The following STS variants were observed in gnomAD, a reference collection of about 807,000 sequenced individuals.
STS encodes the protein steryl-sulfatase.
Under a neutral mutation model 26.8 loss-of-function variants are expected in STS, and 7 were observed. That is an observed-to-expected ratio of 0.26 (90% CI 0.15 to 0.49). The LOEUF (loss-of-function observed/expected upper bound fraction) is 0.49, where lower values mean the gene tolerates loss of function less well. Ranked by LOEUF, STS falls within the 20% of genes least tolerant of loss-of-function variation. STS has a pLI of 0.98. For synonymous variants in STS, 199 were observed against 189.4 expected (o/e 1.05, Z -0.42); for missense variants, 434 against 465.6 (o/e 0.93, Z 0.63).
At chrX:7,286,631 G>A (rs759236190) in intron 7 of STS, among the ~76,000 whole-genome samples, 14 of 111,450 alleles carry the variant, frequency 1.3e-4, no homozygotes, top group Admixed American at 2.9e-4. Context: ...CATCTAGGAG[G>A]TGATGACAAC....
intron 2 of STS, among the ~76,000 whole-genome samples, chrX:7,238,039 T>C (rs1306306917): frequency 9.1e-6 from 1 of 110,236 alleles, no homozygotes; most frequent in African/African-American, 3.3e-5. Flanking sequence ...TGCAGCAACA[T>C]GGATGAAGTG....
At chrX:7,310,041 A>G (rs1179633447) in intron 8 of STS, among the ~76,000 whole-genome samples, 7 of 111,955 alleles carry the variant, frequency 6.3e-5, no homozygotes, top group African/African-American at 1.9e-4. Flanking sequence ...GATTGTGTCA[A>G]CCTAATAAAA....
Position 7,329,749 on chromosome X carries a change from G to A in STS, c.1242-4237G>A, listed in dbSNP as rs146753870. ...TGTTCAGCAGACCTCCATTCTTCAC[G>A]CACTGTCCTGTAATTCTCAGGAAGC... On this transcript the variant is annotated intron_variant, in intron 9 of 10. Coordinates refer to ENST00000674429, the MANE Select transcript of STS (RefSeq NM_001320752.2). Among the ~76,000 whole-genome samples the A allele has an allele frequency of 2.6e-3, 293 of 111,653 alleles. 4 individuals carry two copies. Among genetic ancestry groups the A allele is most frequent in the African/African-American group, 8.9e-3 (274 of 30,713 alleles).
At chrX:7,345,142 G>A (rs1411605824) in intron 10 of STS, among the ~76,000 whole-genome samples, 3 of 110,997 alleles carry the variant, frequency 2.7e-5, no homozygotes, top group African/African-American at 6.6e-5. Flanking sequence ...CCCTGTTCCC[G>A]GACCAAACCG....
At chrX:7,327,257 C>T (rs1362057411) in intron 9 of STS, among the ~76,000 whole-genome samples, 2 of 110,962 alleles carry the variant, frequency 1.8e-5, no homozygotes, top group African/African-American at 3.3e-5. Context: ...ACATTGGCCT[C>T]GCAGACCTCC....
chrX:7,192,754 G>C (rs1379152188), intron 2 of STS, among the ~76,000 whole-genome samples: 1 of 111,694 alleles, frequency 9.0e-6, no homozygotes, highest in African/African-American at 3.3e-5. Flanking sequence ...ACGGATGGTA[G>C]TAGTTATGTG....
intron 2 of STS, among the ~76,000 whole-genome samples, chrX:7,213,624 A>G (rs1921121923): frequency 9.0e-6 from 1 of 111,681 alleles, no homozygotes; most frequent in Non-Finnish European, 1.9e-5. Context: ...CATTATTTTA[A>G]AAAGGGATAT....
At chrX:7,190,785 TAATA>T (rs756064280) in intron 1 of STS, among the ~76,000 whole-genome samples, 91 bp from the exon 2 acceptor site, 66 of 109,621 alleles carry the variant, frequency 6.0e-4, no homozygotes, top group South Asian at 2.0e-3. Context: ...AAAATACTAA[TAATA>T]AATAAATAAA....
intron 1 of STS, among the ~76,000 whole-genome samples, chrX:7,148,528 G>T (rs1295284000): frequency 1.8e-5 from 2 of 112,776 alleles, no homozygotes; most frequent in African/African-American, 6.4e-5. Flanking sequence ...CTGTAGAGTG[G>T]GGAAAGGGGA....
chrX:7,188,015 T>C (rs190685540), intron 1 of STS, among the ~76,000 whole-genome samples: 151 of 112,079 alleles, frequency 1.3e-3, no homozygotes, highest in African/African-American at 4.7e-3. Flanking sequence ...CAAATCAGAA[T>C]GTAGGTTCCT....
intron 2 of STS, among the ~76,000 whole-genome samples, chrX:7,195,175 A>G (rs757862137): frequency 1.4e-4 from 16 of 112,183 alleles, no homozygotes; most frequent in Non-Finnish European, 1.9e-4. Context: ...TTCTTTATGT[A>G]GTATTCAGCA....
intron 10 of STS, among the ~76,000 whole-genome samples, chrX:7,338,921 T>C (rs113297066): frequency 2.5e-4 from 28 of 111,479 alleles, no homozygotes; most frequent in African/African-American, 8.5e-4. Flanking sequence ...CAAACAGCCA[T>C]AGGGTAATGG....
intron 2 of STS, among the ~76,000 whole-genome samples, chrX:7,240,487 ATATGTATGTGTGTGTGTGTGTG>A (rs1922545191): frequency 1.8e-5 from 1 of 54,348 alleles, no homozygotes; most frequent in Non-Finnish European, 3.4e-5. Context: ...ACACACACAG[ATATGTATGTGTGTGTGTGTGTG>A]TGTGTGTGTG....
chrX:7,322,648 G>C (rs112190593), intron 8 of STS, among the ~76,000 whole-genome samples: 2 of 111,833 alleles, frequency 1.8e-5, no homozygotes, highest in Non-Finnish European at 3.8e-5. Context: ...TGATCCACCC[G>C]TCTTGGCCTC....
chrX:7,231,876 A>G (rs1922077583), intron 2 of STS, among the ~76,000 whole-genome samples: 1 of 104,163 alleles, frequency 9.6e-6, no homozygotes, highest in African/African-American at 3.5e-5. Context: ...GTCTTGGTAA[A>G]TTCTTTTTAT....
At chrX:7,339,780 A>G (rs973967010) in intron 10 of STS, among the ~76,000 whole-genome samples, 1 of 112,070 alleles carries the variant, frequency 8.9e-6, no homozygotes, top group African/African-American at 3.2e-5. Flanking sequence ...CCAACAGTGG[A>G]AAAAAATCAC....
chrX:7,286,173 A>G lies in STS; in HGVS notation c.943+10086A>G, dbSNP rs759511917. On this transcript the variant is annotated intron_variant, in intron 7 of 10. Coordinates refer to ENST00000674429, the MANE Select transcript of STS (RefSeq NM_001320752.2). ...TGTGTGTTTACACATGATATTTTAC[A>G]TTAAATTTATCTCCCACTCATCCTA... Among the ~76,000 whole-genome samples the G allele has an allele frequency of 7.1e-5, 8 of 111,941 alleles. No individual in the cohort carries two copies. The East Asian group carries it at 2.3e-3, about 31-fold the overall frequency.
chrX:7,220,080 T>C (rs1257614267), intron 2 of STS, among the ~76,000 whole-genome samples: 3 of 111,887 alleles, frequency 2.7e-5, no homozygotes, highest in Non-Finnish European at 5.6e-5. Context: ...CATGCATATG[T>C]GTTGCAGAGT....
rs374714188 is a variant in STS, at chrX:7,333,825, G to A, written c.1242-161G>A. On this transcript the variant is annotated intron_variant, in intron 9 of 10. Coordinates refer to ENST00000674429, the MANE Select transcript of STS (RefSeq NM_001320752.2). ...TTGCAGATGTAATGAGATAATGCAC[G>A]GACAGAGCTGGGATCAGTGTGTTGC... 8.0e-5 allele frequency among the ~76,000 whole-genome samples: 9 copies of A among 112,619 alleles called. No homozygotes were observed. The East Asian group carries it at 2.0e-3, about 25-fold the overall frequency.
Sources: gnomAD v4.1 joint callset for allele counts (sites outside exome capture counted in the v4.1 genomes callset) on GRCh38, gnomAD v4.1.1 for gene constraint, MANE v1.5 for transcripts, NCBI Gene and HGNC (gene_info 2026-07-23, HGNC 2026-07-21) for gene names.